TOM1: variants seen among roughly 807,000 people sequenced by gnomAD.
TOM1 encodes target of Myb protein 1.
In TOM1, 38 loss-of-function variants were observed where a neutral mutation model predicts 61.3. The ratio of observed to expected loss-of-function variants is 0.62; its 90% confidence interval spans 0.48 to 0.81. The LOEUF is 0.81. Among genes scored for constraint, TOM1 ranks in the 40% least tolerant of loss-of-function variants. The pLI, the probability that TOM1 is intolerant of heterozygous loss-of-function variation, is 0.00. For synonymous variants in TOM1, 270 were observed against 268.8 expected, an observed-to-expected ratio of 1.00 and a Z score of -0.04; for missense variants, 591 against 659.6, an observed-to-expected ratio of 0.90 and a Z score of 1.14.
At chr22:35,321,289 C>T (rs1440050616) in intron 2 of TOM1, among the ~76,000 whole-genome samples, 1 of 151,826 alleles carries the variant, frequency 6.6e-6, no homozygotes, top group Non-Finnish European at 1.5e-5. Flanking sequence ...TCAGGGGCCC[C>T]ACTCCCTGAG....
At chr22:35,345,524 T>C (rs1930430451) in intron 12 of TOM1, 7 of 608,870 alleles carry the variant, frequency 1.1e-5, no homozygotes, top group South Asian at 5.6e-5. Context: ...GCTGGGAGCC[T>C]GGTCCCCTGC....
At chr22:35,345,685 T>A in intron 12 of TOM1, 40 bp from the exon 13 acceptor site, 1 of 1,606,202 alleles carries the variant, frequency 6.2e-7, no homozygotes. Context: ...TTCCACCTTG[T>A]CACCTAGGGC....
intron 2 of TOM1, among the ~76,000 whole-genome samples, chr22:35,320,142 C>A (rs1472490200): frequency 6.6e-6 from 1 of 151,730 alleles, no homozygotes; most frequent in Non-Finnish European, 1.5e-5. Context: ...TGCCCTCTAG[C>A]AAGCTTCTTC....
chr22:35,338,702 C>A lies in TOM1; in HGVS notation c.1149-11C>A, dbSNP rs1447791763. ...GGGCAGCATCCAATGGCTTGGTGGTCTCTCTTTCAGGGTAAAATACGAAGC... is the reference window on the plus strand; with the variant it reads ...GGGCAGCATCCAATGGCTTGGTGGTATCTCTTTCAGGGTAAAATACGAAGC... On this transcript the variant is annotated splice_polypyrimidine_tract_variant and intron_variant, in intron 11 of 14. Coordinates refer to ENST00000449058, the MANE Select transcript of TOM1 (RefSeq NM_005488.3). 1.9e-6 allele frequency: 3 copies of A among 1,549,270 alleles called. No homozygotes were observed. The highest frequency in any genetic ancestry group is 1.4e-5 in the African/African-American group (1 of 72,966).
rs1425030203 is a variant in TOM1, at chr22:35,317,916, C to T, written c.92C>T (p.Ala31Val). Residue 31 changes from alanine to valine, a missense_variant, in exon 2 of 15, where the codon GCC (alanine) becomes GTC (valine). Coordinates refer to ENST00000449058, the MANE Select transcript of TOM1 (RefSeq NM_005488.3). ...TDGSLQSEDW[A>V]LNMEICDIIN... ...GGCTCCCTGCAGAGCGAGGACTGGGCCCTCAACATGGAGATCTGCGACATC... is the reference window on the plus strand; with the variant it reads ...GGCTCCCTGCAGAGCGAGGACTGGGTCCTCAACATGGAGATCTGCGACATC... The T allele has an allele frequency of 1.2e-6, 2 of 1,614,128 alleles. No homozygotes were observed. The highest frequency in any genetic ancestry group is 2.2e-5 in the South Asian group (2 of 91,084).
chr22:35,322,134 C>A, intron 3 of TOM1, 97 bp downstream of exon 3: 1 of 1,108,840 alleles, frequency 9.0e-7, no homozygotes, highest in South Asian at 1.3e-5. Context: ...CTCTGAGCTC[C>A]TCATTTGAGA....
chr22:35,322,643 T>C, intron 3 of TOM1: 1 of 203,898 alleles, frequency 4.9e-6, no homozygotes. Context: ...GGGAGGGAAG[T>C]TCAGTGCCTT....
chr22:35,325,483 C>A (rs1452907776), intron 6 of TOM1, among the ~76,000 whole-genome samples: 1 of 152,198 alleles, frequency 6.6e-6, no homozygotes, highest in South Asian at 2.1e-4. Flanking sequence ...ACCTCATATA[C>A]ATTTCTGTTA....
upstream of TOM1, chr22:35,299,747 C>T (rs1925535584): frequency 6.0e-6 from 4 of 667,360 alleles, no homozygotes; most frequent in South Asian, 5.7e-5. Flanking sequence ...GTGAGGTCAT[C>T]GCCCTCCGCC....
chr22:35,341,195 C>T (rs867164774), intron 12 of TOM1, among the ~76,000 whole-genome samples: 6 of 152,214 alleles, frequency 3.9e-5, no homozygotes, highest in Non-Finnish European at 7.3e-5. Flanking sequence ...GTTATTATCC[C>T]GTTTTACAGA....
At chr22:35,336,358 A>T (rs1019345154) in intron 11 of TOM1, among the ~76,000 whole-genome samples, 1 of 152,048 alleles carries the variant, frequency 6.6e-6, no homozygotes, top group Admixed American at 6.6e-5. Context: ...CTTGGTGTCC[A>T]GCCCGCTCCT....
intron 2 of TOM1, chr22:35,318,239 G>T: frequency 1.9e-6 from 1 of 534,610 alleles, no homozygotes; most frequent in Non-Finnish European, 3.4e-6. Context: ...AGCCTTGTGT[G>T]CAGCATCTGC....
At chr22:35,325,875 C>T (rs1928266342) in intron 6 of TOM1, among the ~76,000 whole-genome samples, 1 of 152,212 alleles carries the variant, frequency 6.6e-6, no homozygotes, top group Middle Eastern at 3.2e-3. Context: ...AGTGATGTTA[C>T]TCCCAGACTC....
At chr22:35,312,281 C>G (rs1926908388) in intron 1 of TOM1, among the ~76,000 whole-genome samples, 1 of 151,546 alleles carries the variant, frequency 6.6e-6, no homozygotes, top group African/African-American at 2.4e-5. Flanking sequence ...TTCAGGAGTT[C>G]AGCTGACTCA....
intron 1 of TOM1, chr22:35,310,975 G>C (rs1926767660): frequency 6.6e-6 from 1 of 152,480 alleles, no homozygotes; most frequent in African/African-American, 2.4e-5. Flanking sequence ...TGTCAGGGCA[G>C]ACTCCACCAG....
chr22:35,301,048 CAAAAA>C (rs139553640), intron 1 of TOM1, among the ~76,000 whole-genome samples: 62,313 of 111,004 alleles, frequency 0.56, 16,590 homozygotes, highest in Non-Finnish European at 0.67. Flanking sequence ...CCCGTCTCTA[CAAAAA>C]AAAAAAAAAA....
intron 11 of TOM1, among the ~76,000 whole-genome samples, chr22:35,337,160 TCTC>T (rs1929421443): frequency 6.6e-6 from 1 of 152,058 alleles, no homozygotes; most frequent in African/African-American, 2.4e-5. Flanking sequence ...ATGGTCTCGA[TCTC>T]CTGACCTCGT....
chr22:35,321,620 A>C, intron 2 of TOM1: 1 of 433,734 alleles, frequency 2.3e-6, no homozygotes, highest in South Asian at 1.7e-5. Flanking sequence ...GCTGGTCTTG[A>C]ACTCCTGGCC....
At chr22:35,334,948 C>T (rs576649405) in intron 11 of TOM1, among the ~76,000 whole-genome samples, 3 of 151,970 alleles carry the variant, frequency 2.0e-5, no homozygotes, top group Non-Finnish European at 4.4e-5. Context: ...TCCATAGCCA[C>T]CGTTAATTTC....
Sources: allele counts gnomAD v4.1 joint callset (sites outside exome capture counted in the v4.1 genomes callset), GRCh38; gene constraint gnomAD v4.1.1; transcripts MANE v1.5; gene names NCBI Gene and HGNC (gene_info 2026-07-23, HGNC 2026-07-21).